COL18A1: variants seen among roughly 807,000 people sequenced by gnomAD.
COL18A1 encodes collagen type XVIII alpha 1 chain, also known as collagen alpha-1(XVIII) chain.
COL18A1 carries 133 observed loss-of-function variants against 168.0 expected under a neutral mutation model. The observed-to-expected ratio is 0.79, with a 90% confidence interval of 0.69 to 0.91. The LOEUF is 0.91. COL18A1 is among the 40% of genes least tolerant of loss of function. The pLI, the probability that COL18A1 is intolerant of heterozygous loss-of-function variation, is 0.00. For synonymous variants in COL18A1, 949 were observed against 809.0 expected, an observed-to-expected ratio of 1.17 and a Z score of -2.94; for missense variants, 2,126 against 1,925.4, an observed-to-expected ratio of 1.10 and a Z score of -1.95.
rs1197822365 is a variant in COL18A1, at chr21:45,499,733, G to C, written c.2683+2072G>C. ...AGTTCTCACTATATTGGACGGTGAG[G>C]TTGGAGAGGAATGCAGAGCTAACAC... On this transcript the variant is annotated intron_variant, in intron 32 of 41. Coordinates refer to ENST00000651438, the MANE Select transcript of COL18A1 (RefSeq NM_001379500.1). Among the ~76,000 whole-genome samples, 3 of 152,264 alleles carry C rather than the reference G, an allele frequency of 2.0e-5. No individual in the cohort carries two copies. The East Asian group carries it at 5.8e-4, about 29-fold the overall frequency.
Position 45,486,878 on chromosome 21 carries a change from C to G in COL18A1, c.1719C>G (p.Pro573=), listed in dbSNP as rs886617684. The change falls in exon 16 of 42, where the codon CCC becomes CCG. Residue 573 remains proline (P), a synonymous_variant. Transcript: ENST00000651438. The part of the protein sequence containing the change: ...APGHKGSKGA[P]GPAGARGESG... ...CCACGCAGGGGAGCAAGGGAGCCCC[C>G]GGTCCTGCTGGTGCTCGTGGGGAGA... The G allele has an allele frequency of 6.5e-7, 1 of 1,526,886 alleles. No homozygotes were observed. Among genetic ancestry groups the G allele is most frequent in the Non-Finnish European group, 8.8e-7 (1 of 1,137,714 alleles). The allele number at this position is 1,526,886 out of a possible 1,614,324, so 94.6% of individuals were successfully genotyped here. A position where few individuals can be genotyped will look rare whatever the true frequency, so the allele number is the denominator to read the frequency against.
In COL18A1 at chr21:45,481,956, C is replaced by G; in HGVS notation, c.1612-7C>G. 6.2e-7 allele frequency: 1 copy of G among 1,606,906 alleles called. No homozygotes were observed. Among genetic ancestry groups the G allele is most frequent in the Non-Finnish European group, 8.5e-7 (1 of 1,173,558 alleles). ...ATCAAGACCCACTATGCTCTGCTCTCCCCCAGGGACCCCCAGGCCCTCCGG... is the reference window on the plus strand; with the variant it reads ...ATCAAGACCCACTATGCTCTGCTCTGCCCCAGGGACCCCCAGGCCCTCCGG... On this transcript the variant is annotated splice_polypyrimidine_tract_variant and splice_region_variant and intron_variant, in intron 13 of 41. Transcript: ENST00000651438.
intron 21 of COL18A1, among the ~76,000 whole-genome samples, 156 bp downstream of exon 21, chr21:45,491,027 G>C (rs555590929): frequency 1.3e-5 from 2 of 152,272 alleles, no homozygotes; most frequent in East Asian, 3.9e-4. Flanking sequence ...CTTTCAGGCT[G>C]GGGGCAGCGT....
In COL18A1 at chr21:45,511,116, G is replaced by A. The variant is rs1447453546; in HGVS notation, c.3699G>A (p.Glu1233=). 6 of 1,566,142 alleles carry A rather than the reference G, an allele frequency of 3.8e-6. No individual in the cohort carries two copies. Among genetic ancestry groups the A allele is most frequent in the Non-Finnish European group, 5.2e-6 (6 of 1,151,636 alleles). ...ACACACGGTTTCTCTTCCAGGACGA[G>A]CTGCTGTTTCCCAGCTGGGAGGCTC... ...AAVPIVNLKD[E]LLFPSWEALF... is the part of the protein sequence containing the mutation. Residue 1233 remains glutamate (E), a synonymous_variant, in exon 41 of 42, where the codon GAG becomes GAA. Transcript: ENST00000651438.
In COL18A1 at chr21:45,511,412, C is replaced by T. The variant is rs548558240; in HGVS notation, c.3809+186C>T. Among the ~76,000 whole-genome samples the T allele has an allele frequency of 1.1e-4, 17 of 152,262 alleles. 1 individual carries two copies. The South Asian group carries it at 3.5e-3, about 32-fold the overall frequency. ...AACTGCTCTGAGAAGTCATCATTAG[C>T]AATGCGTTTGAGAGCCAGGTAGTTG... On this transcript the variant is annotated intron_variant, in intron 41 of 41. Transcript: ENST00000651438.
intron 2 of COL18A1, among the ~76,000 whole-genome samples, chr21:45,450,634 G>A (rs1037281987): frequency 4.6e-5 from 7 of 152,226 alleles, no homozygotes; most frequent in East Asian, 1.9e-4. Context: ...ACCCTGGCTC[G>A]GGGCAGGGCG....
intron 2 of COL18A1, among the ~76,000 whole-genome samples, chr21:45,453,218 A>G (rs137904148): frequency 0.023 from 3,495 of 152,326 alleles, 58 homozygotes; most frequent in Middle Eastern, 0.061. Context: ...GTGAGCATGT[A>G]TGTACATGTG....
At chr21:45,505,068 C>T in intron 34 of COL18A1, 66 bp from the exon 35 acceptor site, 2 of 1,571,882 alleles carry the variant, frequency 1.3e-6, no homozygotes, top group South Asian at 2.3e-5. Flanking sequence ...TGCAGCCCCA[C>T]AAGCTTGCCC....
At chr21:45,509,995 G>GGTGCGCCCGGGGCC in intron 39 of COL18A1, 69 bp from the exon 40 acceptor site, 1 of 1,498,212 alleles carries the variant, frequency 6.7e-7, no homozygotes, top group Non-Finnish European at 9.0e-7. Context: ...GGGCCGGGGT[G>GGTGCGCCCGGGGCC]GTGCGCCCGG....
At chr21:45,408,180 G>C (rs1056982056) in intron 2 of COL18A1, 3 of 152,282 alleles carry the variant, frequency 2.0e-5, no homozygotes, top group African/African-American at 4.8e-5. Flanking sequence ...GAGTGCAGGC[G>C]CCAGACACTG....
In COL18A1 at chr21:45,463,838, G is replaced by A. The variant is rs1048370413; in HGVS notation, c.107-4404G>A. Among the ~76,000 whole-genome samples the A allele has an allele frequency of 6.6e-6, 1 of 151,934 alleles. No homozygotes were observed. Among genetic ancestry groups the A allele is most frequent in the Non-Finnish European group, 1.5e-5 (1 of 67,990 alleles). On this transcript the variant is annotated intron_variant, in intron 2 of 41. Transcript: ENST00000651438. This position sits in a 1 kb window ranked among gnomAD's most constrained non-coding sequence, Gnocchi z 4.0. ...CTTGAACCTGGGAGGTGGAGGTTGT[G>A]GTGAGCTGAGATTGCACCACTGTAC...
At chr21:45,468,969 G>A (rs140153050) in intron 3 of COL18A1, among the ~76,000 whole-genome samples, 183 bp downstream of exon 3, 133 of 152,258 alleles carry the variant, frequency 8.7e-4, no homozygotes, top group African/African-American at 3.1e-3. Flanking sequence ...GGCCTCCGGC[G>A]CAGGCCTCCC....
In COL18A1 at chr21:45,490,472, C is replaced by CCCTGGGCCTCCATGTGCCCTCGTGGGTT. The variant is rs796558409; in HGVS notation, c.2031+137_2031+138insATGTGCCCTCGTGGGTTCCTGGGCCTCC. 69 of 647,776 alleles carry CCCTGGGCCTCCATGTGCCCTCGTGGGTT rather than the reference C, an allele frequency of 1.1e-4. 1 individual carries two copies. The African/African-American group carries it at 1.2e-3, about 11-fold the overall frequency. The allele number at this position is 647,776 out of a possible 1,614,324, so 40.1% of individuals were successfully genotyped here. Reference sequence around the variant, plus strand: ...TGGGTCTCCATGTGCCCTCGTGGGTCCCTGGGCCTCCGTGTGCCCTCCCGG... The same window carrying CCCTGGGCCTCCATGTGCCCTCGTGGGTT: ...TGGGTCTCCATGTGCCCTCGTGGGTCCCTGGGCCTCCATGTGCCCTCGTGGGTTCCTGGGCCTCCGTGTGCCCTCCCGG... On this transcript the variant is annotated intron_variant, in intron 20 of 41. Coordinates refer to ENST00000651438, the MANE Select transcript of COL18A1 (RefSeq NM_001379500.1).
chr21:45,471,231 G>T lies in COL18A1; in HGVS notation c.651+2445G>T, dbSNP rs1012506712. 2.0e-5 allele frequency among the ~76,000 whole-genome samples: 3 copies of T among 152,194 alleles called. No individual in the cohort carries two copies. The highest frequency in any genetic ancestry group is 4.4e-5 in the Non-Finnish European group (3 of 68,016). ...CTGAGGGCTGTGTTGGTTGATCTCT[G>T]TGTCAGGTCCCTGCAGGCCTCAGGT... On this transcript the variant is annotated intron_variant, in intron 3 of 41. Coordinates refer to ENST00000651438, the MANE Select transcript of COL18A1 (RefSeq NM_001379500.1). The surrounding 1 kb of genome is among the most constrained non-coding windows in gnomAD (Gnocchi z 4.4).
intron 2 of COL18A1, among the ~76,000 whole-genome samples, chr21:45,409,097 T>A (rs566369189): frequency 6.6e-6 from 1 of 151,092 alleles, no homozygotes; most frequent in Admixed American, 6.6e-5. Flanking sequence ...CATGGGGCAC[T>A]GGACCATGCA....
At chr21:45,456,981 G>A (rs528639641) in intron 2 of COL18A1, 19 of 986,928 alleles carry the variant, frequency 1.9e-5, no homozygotes, top group South Asian at 9.2e-5. Context: ...CCCCCACATC[G>A]AATCTCTACG....
intron 40 of COL18A1, among the ~76,000 whole-genome samples, 155 bp downstream of exon 40, chr21:45,510,416 G>A (rs1157974109): frequency 6.6e-6 from 1 of 152,160 alleles, no homozygotes; most frequent in Non-Finnish European, 1.5e-5. Flanking sequence ...GGCTCCGGGT[G>A]GGTCACACCC....
chr21:45,507,056 G>A (rs1378342078), intron 37 of COL18A1: 1 of 328,360 alleles, frequency 3.0e-6, no homozygotes, highest in Non-Finnish European at 6.1e-6. Flanking sequence ...CCTAGCAAAC[G>A]CGTGCTGGGA....
intron 2 of COL18A1, among the ~76,000 whole-genome samples, chr21:45,415,627 A>G (rs2033422403): frequency 6.6e-6 from 1 of 152,124 alleles, no homozygotes; most frequent in East Asian, 1.9e-4. Flanking sequence ...CAGGCCCCGG[A>G]CGGGAAAGTG....
Sources: allele counts gnomAD v4.1 joint callset (sites outside exome capture counted in the v4.1 genomes callset), GRCh38; gene constraint gnomAD v4.1.1; non-coding constraint Gnocchi (gnomAD v3.1); transcripts MANE v1.5; gene names NCBI Gene and HGNC (gene_info 2026-07-23, HGNC 2026-07-21).